The following MSL3 variants were observed in gnomAD, a reference collection of about 807,000 sequenced individuals.
MSL3 encodes the protein MSL3-like 1.
A neutral mutation model predicts 37.2 loss-of-function variants in MSL3; 5 were observed. That is an observed-to-expected ratio of 0.13 (90% CI 0.07 to 0.28). MSL3 has a LOEUF of 0.28. Among genes scored for constraint, MSL3 ranks in the 10% least tolerant of loss-of-function variants. The pLI, the probability that MSL3 is intolerant of heterozygous loss-of-function variation, is 1.00. For synonymous variants in MSL3, 149 were observed against 147.6 expected, an observed-to-expected ratio of 1.01 and a Z score of -0.07; for missense variants, 315 against 408.5, an observed-to-expected ratio of 0.77 and a Z score of 1.97.
intron 9 of MSL3, chrX:11,766,773 A>G: frequency 1.3e-6 from 1 of 754,925 alleles, no homozygotes; most frequent in Non-Finnish European, 1.6e-6. Flanking sequence ...ACCCAACTCC[A>G]GAGATGGAAG....
At chrX:11,773,259 A>G (rs1471392552) in intron 12 of MSL3, among the ~76,000 whole-genome samples, 1 of 111,973 alleles carries the variant, frequency 8.9e-6, no homozygotes, top group Non-Finnish European at 1.9e-5. Context: ...GGATCATTTG[A>G]TCTGAGGCTC....
chrX:11,772,388 T>A, intron 11 of MSL3, 133 bp downstream of exon 11: 1 of 537,492 alleles, frequency 1.9e-6, no homozygotes. Flanking sequence ...TTAAAAGTAA[T>A]CTATCAAAGA....
chrX:11,768,022 A>G, intron 9 of MSL3: 4 of 655,143 alleles, frequency 6.1e-6, no homozygotes, highest in Non-Finnish European at 7.3e-6. Flanking sequence ...TTGATGTGAA[A>G]TTCACATATA....
rs1268931431 is a variant in MSL3 at position 11,759,706 on chromosome X, A to C, written c.103-87A>C. 3.4e-6 allele frequency: 4 copies of C among 1,183,083 alleles called. No homozygotes were observed. The Admixed American group carries it at 9.5e-5, about 28-fold the overall frequency. On this transcript the variant is annotated intron_variant, in intron 1 of 12. Transcript: ENST00000312196. ...AAAAGAGGAGAGAATGCTTTCTTTA[A>C]AAAAGGGTCTGTGAATTAGTTTTCC...
intron 8 of MSL3, 91 bp downstream of exon 8, chrX:11,764,029 C>A: frequency 2.4e-6 from 2 of 821,203 alleles, no homozygotes; most frequent in Non-Finnish European, 3.4e-6. Context: ...ATGGTGTGGG[C>A]CAACATGTTT....
intron 3 of MSL3, 57 bp from the exon 4 acceptor site, chrX:11,760,780 C>A: frequency 1.1e-6 from 1 of 928,539 alleles, no homozygotes; most frequent in Non-Finnish European, 1.5e-6. Flanking sequence ...GTTTTGATCT[C>A]AAGACTCACG....
chrX:11,758,328 C>T lies in MSL3; in HGVS notation c.65C>T (p.Pro22Leu). 1 of 1,140,750 alleles carries T rather than the reference C, an allele frequency of 8.8e-7. No homozygotes were observed. Among genetic ancestry groups the T allele is most frequent in the Non-Finnish European group, 1.2e-6 (1 of 858,061 alleles). The allele number at this position is 1,140,750 out of a possible 1,213,427, so 94.0% of individuals were successfully genotyped here. A position where few individuals can be genotyped will look rare whatever the true frequency, so the allele number is the denominator to read the frequency against. ...HSGEKVLCFE[P>L]DPTKARVLYD... ...GGGGAGAAAGTGCTGTGCTTCGAGC[C>T]TGACCCCACCAAGGCGCGAGTGCTG... The change falls in exon 1 of 13, where the codon CCT becomes CTT. Residue 22 changes from proline (P) to leucine (L), a missense_variant. By Grantham distance (98) the Pro-to-Leu change is moderately conservative. Coordinates refer to ENST00000312196, the MANE Select transcript of MSL3 (RefSeq NM_078629.4).
rs1158021281 is a variant in MSL3 at position 11,765,744 on chromosome X, G to A, written c.1171+15G>A. On this transcript the variant is annotated intron_variant, in intron 9 of 12. Transcript: ENST00000312196. ...CCTGGAAAAGAGTAGGTTCATTCTC[G>A]GGTGCCCCAGGCCGGGGAGAGCCAG... 9.1e-6 allele frequency: 11 copies of A among 1,208,688 alleles called. No homozygotes were observed. The Admixed American group carries it at 1.1e-4, about 12-fold the overall frequency.
chrX:11,760,943 T>C lies in MSL3; in HGVS notation c.382+6T>C. The C allele has an allele frequency of 1.8e-6, 2 of 1,123,399 alleles. No individual in the cohort carries two copies. The highest frequency in any genetic ancestry group is 2.4e-6 in the Non-Finnish European group (2 of 828,794). 92.6% of individuals were successfully genotyped at this position (1,123,399 alleles called of 1,213,427 possible). ...AGATGAAAATGATGAAAACTGTGAG[T>C]AGCTTCACTTCATTTCTTTTGGCTG... On this transcript the variant is annotated splice_donor_region_variant and intron_variant, in intron 4 of 12. Coordinates refer to ENST00000312196, the MANE Select transcript of MSL3 (RefSeq NM_078629.4).
chrX:11,768,807 G>T (rs1337727745), intron 10 of MSL3, 125 bp downstream of exon 10: 2 of 487,921 alleles, frequency 4.1e-6, no homozygotes, highest in African/African-American at 4.8e-5. Context: ...TATCAAAATT[G>T]TACGTAATTT....
Position 11,760,094 on chromosome X carries a change from G to T in MSL3, c.185+219G>T, listed in dbSNP as rs1050134058. On this transcript the variant is annotated intron_variant, in intron 2 of 12. Coordinates refer to ENST00000312196, the MANE Select transcript of MSL3 (RefSeq NM_078629.4). ...GCGTTGCAAACTTCTTTAAGTTTTA[G>T]AAACACTTGTAGAGAAGTTTGATTC... is the stretch of plus-strand genomic sequence containing the variant. The T allele has an allele frequency of 9.7e-6, 4 of 411,158 alleles. No homozygotes were observed. The African/African-American group carries it at 1.0e-4, about 10-fold the overall frequency. The allele number at this position is 411,158 out of a possible 1,213,427, so 33.9% of individuals were successfully genotyped here.
chrX:11,769,960 G>A (rs1269810945), intron 10 of MSL3, among the ~76,000 whole-genome samples: 4 of 112,364 alleles, frequency 3.6e-5, no homozygotes, highest in Non-Finnish European at 5.6e-5. Flanking sequence ...TCTTCCAGAC[G>A]ATAACTGTCT....
chrX:11,771,001 C>T (rs1033271290), intron 10 of MSL3, among the ~76,000 whole-genome samples: 2 of 112,253 alleles, frequency 1.8e-5, no homozygotes, highest in African/African-American at 6.5e-5. Context: ...AGAAGTGGGG[C>T]GCTGGGGGTG....
At position 11,765,672 on chromosome X, in the gene MSL3, C is replaced by CGCT. The variant is rs1354262652; in HGVS notation, c.1116_1117insTGC (p.Arg372_Arg373insCys). ...GAGCAGCGCTTCACCTCAGCCCAAG[C>CGCT]GCCGGCAGCAGGACACATCCGCCAG... On this transcript the variant is annotated inframe_insertion, in exon 9 of 13. Transcript: ENST00000312196. The CGCT allele has an allele frequency of 8.3e-7, 1 of 1,212,106 alleles. No homozygotes were observed. The highest frequency in any genetic ancestry group is 3.0e-5 in the East Asian group (1 of 33,868).
chrX:11,767,254 C>T, intron 9 of MSL3: 2 of 754,131 alleles, frequency 2.7e-6, no homozygotes, highest in South Asian at 1.3e-4. Flanking sequence ...TAAGAGAAGC[C>T]CTTTGAATAA....
intron 1 of MSL3, among the ~76,000 whole-genome samples, chrX:11,759,353 G>A (rs972652979): frequency 1.8e-5 from 2 of 111,931 alleles, no homozygotes; most frequent in East Asian, 2.8e-4. Context: ...GGGGCGGAGG[G>A]GGGGGGGCAC....
chrX:11,759,768 T>C, intron 1 of MSL3, 25 bp from the exon 2 acceptor site: 1 of 1,210,894 alleles, frequency 8.3e-7, no homozygotes, highest in Non-Finnish European at 1.1e-6. Context: ...TTCTGCCATT[T>C]GTGGGAAATA....
chrX:11,759,350 A>AG (rs371619058), intron 1 of MSL3, among the ~76,000 whole-genome samples: 1,053 of 102,392 alleles, frequency 0.01, 4 homozygotes, highest in East Asian at 0.029. Context: ...CTCGGGGCGG[A>AG]GGGGGGGGGG....
chrX:11,766,637 G>A (rs769945378), intron 9 of MSL3: 5 of 753,259 alleles, frequency 6.6e-6, no homozygotes, highest in Middle Eastern at 7.4e-4. Context: ...CAGGGCCGAC[G>A]ATGTCACCTG....
Sources: gnomAD v4.1 joint callset for allele counts (sites outside exome capture counted in the v4.1 genomes callset) on GRCh38, gnomAD v4.1.1 for gene constraint, MANE v1.5 for transcripts, NCBI Gene and HGNC (gene_info 2026-07-23, HGNC 2026-07-21) for gene names.